The following FOXP1 variants were observed in gnomAD, a reference collection of about 807,000 sequenced individuals.
FOXP1 encodes the protein forkhead box protein P1.
FOXP1 carries 15 observed loss-of-function variants against 98.2 expected under a neutral mutation model. That is an observed-to-expected ratio of 0.15 (90% CI 0.10 to 0.24). FOXP1 has a LOEUF of 0.24. FOXP1 is among the 10% of genes least tolerant of loss of function. The probability of loss-of-function intolerance (pLI) is 1.00; values close to 1 mark genes in which losing one functional copy is unlikely to be tolerated. For missense variants in FOXP1, 633 were observed against 848.5 expected (o/e 0.75, Z 3.15); for synonymous variants, 371 against 314.5 (o/e 1.18, Z -1.90).
chr3:70,990,938 T>C (rs1257857643), intron 13 of FOXP1, among the ~76,000 whole-genome samples: 1 of 152,178 alleles, frequency 6.6e-6, no homozygotes, highest in Non-Finnish European at 1.5e-5. Context: ...TCCTTCTAAA[T>C]ACGGAATGAT....
At chr3:71,483,368 G>A (rs1297236846) in intron 3 of FOXP1, among the ~76,000 whole-genome samples, 1 of 152,162 alleles carries the variant, frequency 6.6e-6, no homozygotes, top group African/African-American at 2.4e-5. Context: ...AAACCGAAGA[G>A]CAAGTGAGCG....
intron 5 of FOXP1, among the ~76,000 whole-genome samples, chr3:71,199,255 C>T (rs1462851033): frequency 6.6e-6 from 1 of 151,924 alleles, no homozygotes; most frequent in Non-Finnish European, 1.5e-5. Context: ...CAGATGCCCA[C>T]CACCAGGCCC....
At chr3:71,389,470 CACA>C (rs1186779616) in intron 3 of FOXP1, among the ~76,000 whole-genome samples, 1 of 151,916 alleles carries the variant, frequency 6.6e-6, no homozygotes, top group Non-Finnish European at 1.5e-5. Context: ...TGAGGATGAA[CACA>C]ACGACGTGTA....
At chr3:70,975,170 T>C (rs1330634007) in intron 17 of FOXP1, among the ~76,000 whole-genome samples, 2 of 152,266 alleles carry the variant, frequency 1.3e-5, no homozygotes, top group East Asian at 3.8e-4. Context: ...GATCTAAGCT[T>C]AAATATTATA....
intron 4 of FOXP1, among the ~76,000 whole-genome samples, chr3:71,313,153 G>A (rs1355974429): frequency 2.1e-5 from 3 of 142,308 alleles, no homozygotes; most frequent in Non-Finnish European, 4.5e-5. Flanking sequence ...TCCGCCTCCC[G>A]GATTCATGCC....
chr3:71,341,489 C>T (rs1169704115), intron 4 of FOXP1, among the ~76,000 whole-genome samples: 3 of 152,122 alleles, frequency 2.0e-5, no homozygotes, highest in Non-Finnish European at 4.4e-5. Flanking sequence ...AAAGAAGAGG[C>T]AAGGCGTGGT....
chr3:71,440,492 A>G (rs939249251), intron 3 of FOXP1, among the ~76,000 whole-genome samples: 4 of 152,088 alleles, frequency 2.6e-5, no homozygotes, highest in Non-Finnish European at 5.9e-5. Flanking sequence ...CCTGGCTGAT[A>G]TGGTGAAACC....
At chr3:71,031,422 A>T (rs1322250414) in intron 11 of FOXP1, among the ~76,000 whole-genome samples, 2 of 152,222 alleles carry the variant, frequency 1.3e-5, no homozygotes, top group Non-Finnish European at 2.9e-5. Context: ...GAACACAAAT[A>T]GTTACACAAA....
At position 70,979,812 on chromosome 3, in the gene FOXP1, T is replaced by C. The variant is rs577893234; in HGVS notation, c.1147-1783A>G. 2.0e-5 allele frequency among the ~76,000 whole-genome samples: 3 copies of C among 147,884 alleles called. 1 individual carries two copies. The highest frequency in any genetic ancestry group is 6.7e-5 in the Admixed American group (1 of 14,822). ...AAAAAAAGGGAGGGGGGCCTGAGAA[T>C]CCTCTCTAATATGTTTCAGGAGAGT... On this transcript the variant is annotated intron_variant, in intron 14 of 20. Coordinates refer to ENST00000649528, the MANE Select transcript of FOXP1 (RefSeq NM_001349338.3).
chr3:71,380,698 A>ATT (rs11395817), intron 3 of FOXP1, among the ~76,000 whole-genome samples: 22,022 of 100,274 alleles, frequency 0.22, 3,302 homozygotes, highest in Non-Finnish European at 0.28. Flanking sequence ...CTTTTTAGAC[A>ATT]TTTTTTTTTT....
intron 5 of FOXP1, among the ~76,000 whole-genome samples, chr3:71,285,856 A>C (rs1046691035): frequency 3.3e-5 from 5 of 152,158 alleles, no homozygotes. Flanking sequence ...TCACAGTTTC[A>C]TCTTCAGTAA....
chr3:70,965,626 G>A (rs1575695257), intron 20 of FOXP1, among the ~76,000 whole-genome samples: 1 of 152,060 alleles, frequency 6.6e-6, no homozygotes, highest in Non-Finnish European at 1.5e-5. Flanking sequence ...ATAATGGCCT[G>A]GGATGTGATA....
At chr3:71,056,880 A>G (rs1019592872) in intron 7 of FOXP1, among the ~76,000 whole-genome samples, 3 of 152,220 alleles carry the variant, frequency 2.0e-5, no homozygotes, top group African/African-American at 7.2e-5. Context: ...TATAGCCTAT[A>G]TATCCACTCC....
At chr3:71,397,875 A>T (rs1211928404) in intron 3 of FOXP1, among the ~76,000 whole-genome samples, 1 of 152,202 alleles carries the variant, frequency 6.6e-6, no homozygotes, top group African/African-American at 2.4e-5. Flanking sequence ...CTACAGTTTA[A>T]CTGTTCTCCG....
chr3:71,337,130 A>G (rs1443785098), intron 4 of FOXP1, among the ~76,000 whole-genome samples: 5 of 152,260 alleles, frequency 3.3e-5, no homozygotes, highest in Non-Finnish European at 7.3e-5. Flanking sequence ...TGATTATGAT[A>G]AAAGTAAAAA....
At chr3:71,102,739 G>A (rs2057074459) in intron 7 of FOXP1, among the ~76,000 whole-genome samples, 1 of 152,192 alleles carries the variant, frequency 6.6e-6, no homozygotes. Flanking sequence ...TTAAGCATCA[G>A]CAACTCTGAT....
At chr3:71,304,696 G>A (rs1031570283) in intron 4 of FOXP1, 1 of 152,154 alleles carries the variant, frequency 6.6e-6, no homozygotes, top group African/African-American at 2.4e-5. Flanking sequence ...TAGAGTATTT[G>A]TAATTTTGTT....
chr3:71,521,680 T>C (rs2043003321), intron 2 of FOXP1, among the ~76,000 whole-genome samples: 1 of 152,226 alleles, frequency 6.6e-6, no homozygotes, highest in African/African-American at 2.4e-5. Flanking sequence ...TTTTATTCTA[T>C]TTCCAACACT....
At chr3:71,130,391 G>T in intron 6 of FOXP1, 2 of 1,125,148 alleles carry the variant, frequency 1.8e-6, no homozygotes, top group Non-Finnish European at 2.6e-6. Context: ...CAGTAAACAA[G>T]TTGGATCACC....
Sources: allele counts gnomAD v4.1 joint callset (sites outside exome capture counted in the v4.1 genomes callset), GRCh38; gene constraint gnomAD v4.1.1; transcripts MANE v1.5; gene names NCBI Gene and HGNC (gene_info 2026-07-23, HGNC 2026-07-21).